The following HHIP variants were observed in gnomAD, a reference collection of about 807,000 sequenced individuals.
HHIP encodes the protein hedgehog-interacting protein.
Under a neutral mutation model 74.0 loss-of-function variants are expected in HHIP, and 12 were observed. That is an observed-to-expected ratio of 0.16 (90% CI 0.10 to 0.26). The LOEUF (loss-of-function observed/expected upper bound fraction) is 0.26, where lower values mean the gene tolerates loss of function less well. Among genes scored for constraint, HHIP ranks in the 10% least tolerant of loss-of-function variants. HHIP has a pLI of 1.00. For synonymous variants in HHIP, 309 were observed against 311.6 expected, an observed-to-expected ratio of 0.99 and a Z score of 0.09; for missense variants, 788 against 845.0, an observed-to-expected ratio of 0.93 and a Z score of 0.84.
At chr4:144,666,341 A>G (rs1728863166) in intron 4 of HHIP, among the ~76,000 whole-genome samples, 1 of 151,788 alleles carries the variant, frequency 6.6e-6, no homozygotes, top group African/African-American at 2.4e-5. Flanking sequence ...TTTCAAGTAT[A>G]CAATAAAGTT....
intron 11 of HHIP, among the ~76,000 whole-genome samples, chr4:144,730,127 A>G (rs1187844167): frequency 6.6e-6 from 1 of 152,218 alleles, no homozygotes; most frequent in Non-Finnish European, 1.5e-5. Flanking sequence ...ACAGAAAGTC[A>G]TCACCTCTAA....
chr4:144,698,589 A>G (rs544342087), intron 4 of HHIP, among the ~76,000 whole-genome samples: 28 of 152,316 alleles, frequency 1.8e-4, no homozygotes, highest in African/African-American at 6.3e-4. Context: ...AAACACGATT[A>G]AGGAGAAGAG....
At chr4:144,670,659 A>T (rs1729012047) in intron 4 of HHIP, among the ~76,000 whole-genome samples, 1 of 151,002 alleles carries the variant, frequency 6.6e-6, no homozygotes, top group Admixed American at 6.6e-5. Flanking sequence ...TCTGTTTCAT[A>T]AGAAACCTTA....
At chr4:144,655,107 T>C (rs1027153409) in intron 2 of HHIP, 3 of 152,194 alleles carry the variant, frequency 2.0e-5, no homozygotes, top group Non-Finnish European at 1.5e-5. Flanking sequence ...AGAATATTCA[T>C]ATACCTATAA....
chr4:144,652,349 G>A (rs1305677991), intron 1 of HHIP, among the ~76,000 whole-genome samples: 1 of 152,062 alleles, frequency 6.6e-6, no homozygotes, highest in Non-Finnish European at 1.5e-5. Context: ...CACACCTGAA[G>A]TACAGATGAA....
At chr4:144,731,364 T>A (rs1180395383) in intron 11 of HHIP, among the ~76,000 whole-genome samples, 3 of 152,202 alleles carry the variant, frequency 2.0e-5, no homozygotes, top group Non-Finnish European at 4.4e-5. Flanking sequence ...GAGTTCATAT[T>A]TCAGAGAGTG....
At position 144,646,632 on chromosome 4, in the gene HHIP, C is replaced by G. The variant is rs755133565; in HGVS notation, c.-44C>G. ...GTGCCCCTGCTGGGCAGTGGCGTTCCCCCCCATCCTCCCGCGCCCAGCCCC... is the reference window on the plus strand; with the variant it reads ...GTGCCCCTGCTGGGCAGTGGCGTTCGCCCCCATCCTCCCGCGCCCAGCCCC... On this transcript the variant is annotated 5_prime_UTR_variant, in exon 1 of 13. Coordinates refer to ENST00000296575, the MANE Select transcript of HHIP (RefSeq NM_022475.3). 1 of 1,585,574 alleles carries G rather than the reference C, an allele frequency of 6.3e-7. No individual in the cohort carries two copies.
At chr4:144,683,596 G>A (rs1183314354) in intron 4 of HHIP, among the ~76,000 whole-genome samples, 2 of 152,194 alleles carry the variant, frequency 1.3e-5, no homozygotes, top group African/African-American at 4.8e-5. Flanking sequence ...TTAGGCCAGA[G>A]TAAAGTGTAC....
chr4:144,714,844 T>A (rs1730400368), intron 9 of HHIP, among the ~76,000 whole-genome samples: 1 of 152,132 alleles, frequency 6.6e-6, no homozygotes, highest in Admixed American at 6.6e-5. Context: ...TGTGGATAAT[T>A]GTAAGAAACT....
At chr4:144,651,619 T>A (rs1728430474) in intron 1 of HHIP, among the ~76,000 whole-genome samples, 1 of 152,050 alleles carries the variant, frequency 6.6e-6, no homozygotes, top group Admixed American at 6.6e-5. Context: ...TCCATTATGA[T>A]GTTTTTAATA....
intron 1 of HHIP, among the ~76,000 whole-genome samples, chr4:144,650,104 G>T (rs534383585): frequency 6.6e-6 from 1 of 152,148 alleles, no homozygotes; most frequent in East Asian, 1.9e-4. Context: ...GCTGCCTTTT[G>T]CCCTCTTTGT....
intron 2 of HHIP, among the ~76,000 whole-genome samples, chr4:144,657,108 G>A (rs1253910226): frequency 6.6e-6 from 1 of 151,998 alleles, no homozygotes; most frequent in African/African-American, 2.4e-5. Flanking sequence ...AAATTGGCAG[G>A]GAAGAGTCTC....
At chr4:144,734,020 T>C (rs757360536) in intron 11 of HHIP, among the ~76,000 whole-genome samples, 13 of 151,910 alleles carry the variant, frequency 8.6e-5, no homozygotes, top group Non-Finnish European at 1.6e-4. Context: ...CAGGACAAAA[T>C]CAAATTATTT....
chr4:144,694,953 G>A lies in HHIP; in HGVS notation c.832-11578G>A, dbSNP rs139981587. Among the ~76,000 whole-genome samples the A allele has an allele frequency of 5.8e-3, 874 of 151,782 alleles. 8 individuals are homozygous for A. Among genetic ancestry groups the A allele is most frequent in the African/African-American group, 0.02 (847 of 41,496 alleles). On this transcript the variant is annotated intron_variant, in intron 4 of 12. Coordinates refer to ENST00000296575, the MANE Select transcript of HHIP (RefSeq NM_022475.3). ...ATAAAAGTTAATGGTTCTTATGTTTGTAAGATTATCACTAATAAAATATGA... is the reference window on the plus strand; with the variant it reads ...ATAAAAGTTAATGGTTCTTATGTTTATAAGATTATCACTAATAAAATATGA...
intron 11 of HHIP, among the ~76,000 whole-genome samples, chr4:144,725,299 T>A (rs989596815): frequency 8.5e-5 from 13 of 152,206 alleles, no homozygotes; most frequent in African/African-American, 3.1e-4. Flanking sequence ...AAAAATTTGT[T>A]ACTTAAATGA....
chr4:144,737,937 C>A lies in HHIP; in HGVS notation c.2083C>A (p.Leu695Ile), dbSNP rs200948885. 1.5e-5 allele frequency: 24 copies of A among 1,608,602 alleles called. No individual in the cohort carries two copies. Among genetic ancestry groups the A allele is most frequent in the Non-Finnish European group, 2.0e-5 (24 of 1,177,656 alleles). The change falls in exon 13 of 13, where the codon CTA becomes ATA. Residue 695 changes from leucine (L) to isoleucine (I), a missense_variant. Physicochemically the swap from Leu to Ile is conservative, Grantham distance 5. Around this residue, in one of 3 missense-constraint regions of HHIP, gnomAD observed 343 missense variants for 347.9 expected, o/e 0.99. Transcript: ENST00000296575. Reference protein sequence around the residue: ...IIDMTSYLLDLTSYIV With the variant: ...IIDMTSYLLDITSYIV Reference sequence around the variant, plus strand: ...TGACATGACATCTTACTTGCTGGATCTAACAAGTTACATTGTATAGTTTCT... The same window carrying A: ...TGACATGACATCTTACTTGCTGGATATAACAAGTTACATTGTATAGTTTCT...
In HHIP at chr4:144,652,859, T is replaced by A. The variant is rs550434927; in HGVS notation, c.472+62T>A. The stretch of plus-strand genomic sequence containing the variant: ...GCACAATATCCTTGTAAGATACTTG[T>A]ACTTAAATGCTTATTTACAAAACTT... On this transcript the variant is annotated intron_variant, in intron 2 of 12. Coordinates refer to ENST00000296575, the MANE Select transcript of HHIP (RefSeq NM_022475.3). 5.6e-6 allele frequency: 6 copies of A among 1,075,594 alleles called. No individual in the cohort carries two copies. In the Middle Eastern group the frequency reaches 8.8e-4, roughly 158 times the overall value. The allele number at this position is 1,075,594 out of a possible 1,614,324, so 66.6% of individuals were successfully genotyped here.
chr4:144,653,761 AT>A (rs1344403252), intron 2 of HHIP, among the ~76,000 whole-genome samples: 1 of 152,098 alleles, frequency 6.6e-6, no homozygotes, highest in Non-Finnish European at 1.5e-5. Context: ...AGACTTTTGT[AT>A]TTTTAATATA....
chr4:144,691,648 G>A (rs2126635128), intron 4 of HHIP, among the ~76,000 whole-genome samples: 1 of 152,000 alleles, frequency 6.6e-6, no homozygotes. Flanking sequence ...CTATGTATAG[G>A]ATTTTTTTAC....
Sources: gnomAD v4.1 joint callset for allele counts (sites outside exome capture counted in the v4.1 genomes callset) on GRCh38, gnomAD v4.1.1 for gene constraint, gnomAD v4.1.1 regional missense constraint, MANE v1.5 for transcripts, NCBI Gene and HGNC (gene_info 2026-07-23, HGNC 2026-07-21) for gene names.